The following TTC28 variants were observed in gnomAD, a reference collection of about 807,000 sequenced individuals.
The protein encoded by TTC28 is tetratricopeptide repeat domain 28.
TTC28 carries 61 observed loss-of-function variants against 198.0 expected under a neutral mutation model. The observed-to-expected ratio is 0.31, with a 90% CI of 0.25 to 0.38. TTC28 has a LOEUF of 0.38. TTC28 is among the 10% of genes least tolerant of loss of function. The probability of loss-of-function intolerance (pLI) is 1.00; values close to 1 mark genes in which losing one functional copy is unlikely to be tolerated. For synonymous variants in TTC28, 1,171 were observed against 1,297.8 expected (o/e 0.90, Z 2.10); for missense variants, 2,678 against 3,164.0 (o/e 0.85, Z 3.69).
intron 6 of TTC28, 137 bp downstream of exon 6, chr22:28,162,955 G>A (rs1601408411): frequency 8.2e-7 from 1 of 1,224,656 alleles, no homozygotes; most frequent in Non-Finnish European, 1.1e-6. Flanking sequence ...AAAAGAAAAG[G>A]AAAAGAAAAG....
chr22:28,193,020 A>C (rs1264861587), intron 5 of TTC28, among the ~76,000 whole-genome samples: 1 of 152,192 alleles, frequency 6.6e-6, no homozygotes, highest in African/African-American at 2.4e-5. Context: ...GAAGGAAAAA[A>C]TGCTAAGGGC....
At chr22:28,371,019 A>C (rs2046323459) in intron 2 of TTC28, among the ~76,000 whole-genome samples, 2 of 152,164 alleles carry the variant, frequency 1.3e-5, no homozygotes, top group South Asian at 4.1e-4. Context: ...TAAAGCAGTG[A>C]AACTGTTGCT....
At chr22:28,407,192 A>G (rs1479960829) in intron 2 of TTC28, among the ~76,000 whole-genome samples, 1 of 152,170 alleles carries the variant, frequency 6.6e-6, no homozygotes, top group Non-Finnish European at 1.5e-5. Flanking sequence ...ACTTATTTTA[A>G]CCTAATTAGG....
chr22:28,041,286 G>A (rs1382568685), intron 12 of TTC28, among the ~76,000 whole-genome samples: 2 of 152,144 alleles, frequency 1.3e-5, no homozygotes, highest in East Asian at 3.8e-4. Flanking sequence ...ACAATCCTAA[G>A]CAAAAAGAAC....
chr22:28,574,739 C>G (rs867028792), intron 2 of TTC28, among the ~76,000 whole-genome samples: 51 of 152,242 alleles, frequency 3.3e-4, no homozygotes, highest in South Asian at 2.9e-3. Flanking sequence ...GAAATGATAG[C>G]TCATTGTAAT....
rs558234590 is a variant in TTC28 at position 28,586,828 on chromosome 22, TATCTATA to T, written c.381+42717_381+42723del. Among the ~76,000 whole-genome samples the T allele has an allele frequency of 5.5e-4, 84 of 152,372 alleles. No individual in the cohort carries two copies. In the South Asian group the frequency reaches 0.016, roughly 29 times the overall value. On this transcript the variant is annotated intron_variant, in intron 2 of 22. Transcript: ENST00000397906. ...TTATATGAGATCAAAATTCTTTGGATATCTATACAATTTTCAGCTATTTTGTATAAAT... is the reference window on the plus strand; with the variant it reads ...TTATATGAGATCAAAATTCTTTGGATCAATTTTCAGCTATTTTGTATAAAT...
chr22:28,635,724 T>C (rs186045705), intron 1 of TTC28, among the ~76,000 whole-genome samples: 44 of 152,318 alleles, frequency 2.9e-4, no homozygotes, highest in Admixed American at 6.5e-4. Flanking sequence ...ATGTGATGTT[T>C]TGATATATGT....
intron 2 of TTC28, among the ~76,000 whole-genome samples, chr22:28,401,513 G>A (rs1447910842): frequency 6.6e-6 from 1 of 152,136 alleles, no homozygotes. Context: ...CTACTCAGGA[G>A]GCTGAGGCGA....
chr22:28,101,229 C>T lies in TTC28; in HGVS notation c.3359G>A (p.Arg1120His), dbSNP rs1045571342. 18 of 1,551,656 alleles carry T rather than the reference C, an allele frequency of 1.2e-5. No homozygotes were observed. The highest frequency in any genetic ancestry group is 2.4e-5 in the East Asian group (1 of 40,940). ...CCAAAGGGAGAGGCCAAGGCCATGG[C>T]GAATTTTTGCCTCATCTTCTCTTCG... ...LGRREDEAKI[R>H]HGLGLSLWAS... The change falls in exon 9 of 23, where the codon CGC becomes CAC. Residue 1120 changes from arginine (R) to histidine (H), a missense_variant. Physicochemically the swap from Arg to His is conservative, Grantham distance 29. This residue lies in a region of TTC28 where 727 missense variants were observed against 861.9 expected (regional missense o/e 0.84). Coordinates refer to ENST00000397906, the MANE Select transcript of TTC28 (RefSeq NM_001145418.2).
intron 2 of TTC28, among the ~76,000 whole-genome samples, chr22:28,408,118 A>T (rs1446456495): frequency 6.6e-6 from 1 of 152,224 alleles, no homozygotes; most frequent in Non-Finnish European, 1.5e-5. Context: ...CTTAATTAAT[A>T]AGATACTAGG....
At chr22:28,287,732 G>A (rs981450842) in intron 5 of TTC28, among the ~76,000 whole-genome samples, 1 of 152,140 alleles carries the variant, frequency 6.6e-6, no homozygotes, top group African/African-American at 2.4e-5. Context: ...GGAGGGAAAA[G>A]GAAGGTGTCA....
chr22:28,436,413 A>G (rs993204336), intron 2 of TTC28, among the ~76,000 whole-genome samples: 33 of 152,228 alleles, frequency 2.2e-4, no homozygotes, highest in Admixed American at 1.8e-3. Flanking sequence ...GCCTATAAAA[A>G]TATAGTCAAA....
intron 14 of TTC28, among the ~76,000 whole-genome samples, chr22:28,003,961 G>A (rs1192007612): frequency 1.3e-5 from 2 of 152,234 alleles, no homozygotes; most frequent in East Asian, 1.9e-4. Context: ...AGGGAAGTCA[G>A]ATAAATTTAG....
intron 1 of TTC28, among the ~76,000 whole-genome samples, chr22:28,661,836 A>G (rs1220028827): frequency 6.6e-6 from 1 of 152,040 alleles, no homozygotes; most frequent in Non-Finnish European, 1.5e-5. Context: ...CGAACTCCTG[A>G]CCTCAGGTGA....
intron 12 of TTC28, among the ~76,000 whole-genome samples, chr22:28,086,980 A>C (rs1347111340): frequency 2.0e-5 from 3 of 152,188 alleles, no homozygotes; most frequent in Non-Finnish European, 4.4e-5. Flanking sequence ...GAATATCTAA[A>C]TAGACCAATA....
At chr22:28,535,860 A>G (rs956182715) in intron 2 of TTC28, among the ~76,000 whole-genome samples, 1 of 152,096 alleles carries the variant, frequency 6.6e-6, no homozygotes, top group African/African-American at 2.4e-5. Context: ...CAGGAGCAGA[A>G]GCCTATACAG....
At chr22:28,001,604 T>C in intron 14 of TTC28, 51 bp from the exon 15 acceptor site, 1 of 1,529,098 alleles carries the variant, frequency 6.5e-7, no homozygotes, top group Non-Finnish European at 8.8e-7. Context: ...CAGGCAGGGG[T>C]TTCAGGCACC....
chr22:28,289,168 T>C (rs2044741088), intron 5 of TTC28, among the ~76,000 whole-genome samples: 1 of 151,944 alleles, frequency 6.6e-6, no homozygotes, highest in African/African-American at 2.4e-5. Context: ...GAGGAGGTGG[T>C]TTGGGCAACA....
chr22:28,201,800 TC>T (rs1030040978), intron 5 of TTC28, among the ~76,000 whole-genome samples: 1 of 139,324 alleles, frequency 7.2e-6, no homozygotes, highest in African/African-American at 2.7e-5. Context: ...CAAAGAGAGA[TC>T]AGTTAAGAGG....
Sources: allele counts gnomAD v4.1 joint callset (sites outside exome capture counted in the v4.1 genomes callset), GRCh38; gene constraint gnomAD v4.1.1; regional missense constraint gnomAD v4.1.1; transcripts MANE v1.5; gene names NCBI Gene and HGNC (gene_info 2026-07-23, HGNC 2026-07-21).